PRDM5: variants seen among roughly 807,000 people sequenced by gnomAD.
The protein encoded by PRDM5 is PR/SET domain 5.
PRDM5 carries 56 observed loss-of-function variants against 81.2 expected under a neutral mutation model. That is an observed-to-expected ratio of 0.69 (90% CI 0.56 to 0.86). PRDM5 has a LOEUF of 0.86. PRDM5 is among the 40% of genes least tolerant of loss of function. The pLI is 0.00. For missense variants in PRDM5, 697 were observed against 770.1 expected (o/e 0.91, Z 1.12); for synonymous variants, 267 against 256.4 (o/e 1.04, Z -0.39).
At chr4:120,835,202 A>G (rs949247704) in intron 3 of PRDM5, among the ~76,000 whole-genome samples, 1 of 152,236 alleles carries the variant, frequency 6.6e-6, no homozygotes, top group Non-Finnish European at 1.5e-5. Flanking sequence ...ATTCCTAAAG[A>G]GTGGAAATAG....
In PRDM5 at chr4:120,907,549, C is replaced by T; in HGVS notation, c.102G>A (p.Lys34=). The change falls in exon 2 of 16, where the codon AAG becomes AAA. Residue 34 remains lysine, a synonymous_variant. Transcript: ENST00000264808. ...YTARRVRKGE[K]FGPFAGEKRM... ...TCTTCTCTCCAGCAAAGGGTCCGAACTTTTCACCCTGAGTAGCAATGATTA... is the reference window on the plus strand; with the variant it reads ...TCTTCTCTCCAGCAAAGGGTCCGAATTTTTCACCCTGAGTAGCAATGATTA... The T allele has an allele frequency of 6.2e-7, 1 of 1,609,448 alleles. No homozygotes were observed. The highest frequency in any genetic ancestry group is 1.1e-5 in the South Asian group (1 of 90,968).
intron 3 of PRDM5, among the ~76,000 whole-genome samples, chr4:120,823,102 A>C (rs1755504397): frequency 6.6e-6 from 1 of 152,182 alleles, no homozygotes; most frequent in African/African-American, 2.4e-5. Flanking sequence ...TAACCTAATA[A>C]AGACTTCAGA....
At chr4:120,809,393 A>G (rs969062483) in intron 8 of PRDM5, among the ~76,000 whole-genome samples, 2 of 148,088 alleles carry the variant, frequency 1.4e-5, no homozygotes, top group Non-Finnish European at 3.0e-5. Context: ...AAAGTATAAT[A>G]AAAAAATACT....
chr4:120,886,178 G>A (rs149762961), intron 2 of PRDM5, among the ~76,000 whole-genome samples: 2 of 152,292 alleles, frequency 1.3e-5, no homozygotes, highest in African/African-American at 4.8e-5. Context: ...TTTCCACCAA[G>A]GTCTACACTA....
rs569117248 is a variant in PRDM5 at position 120,815,190 on chromosome 4, A to G, written c.865+1263T>C. Among the ~76,000 whole-genome samples the G allele has an allele frequency of 3.3e-5, 5 of 152,378 alleles. No homozygotes were observed. The South Asian group carries it at 1.0e-3, about 32-fold the overall frequency. On this transcript the variant is annotated intron_variant, in intron 7 of 15. Transcript: ENST00000264808. ...AATTAAGAATAGCATTTTAACTAGA[A>G]CAGCATTGAAAATCAAAAAACTACG...
At chr4:120,727,462 C>T (rs10518377) in intron 14 of PRDM5, among the ~76,000 whole-genome samples, 71,511 of 151,946 alleles carry the variant, frequency 0.47, 17,524 homozygotes, top group East Asian at 0.67. Context: ...TTTTGGATTA[C>T]GATCCAGTCT....
intron 13 of PRDM5, among the ~76,000 whole-genome samples, chr4:120,770,912 A>G (rs1747185216): frequency 7.4e-6 from 1 of 135,174 alleles, no homozygotes; most frequent in Middle Eastern, 3.7e-3. Context: ...AAACATATTT[A>G]TAACATATAG....
intron 15 of PRDM5, among the ~76,000 whole-genome samples, chr4:120,702,109 G>A (rs1185334062): frequency 6.6e-6 from 1 of 152,166 alleles, no homozygotes; most frequent in Non-Finnish European, 1.5e-5. Flanking sequence ...TGCAGGACAC[G>A]CTCATACAAG....
chr4:120,702,174 C>T (rs1232865399), intron 15 of PRDM5, among the ~76,000 whole-genome samples: 1 of 152,232 alleles, frequency 6.6e-6, no homozygotes, highest in Admixed American at 6.5e-5. Flanking sequence ...TCCTCCTCAT[C>T]CTCTCCAGTC....
At chr4:120,878,700 A>G (rs1219655444) in intron 2 of PRDM5, among the ~76,000 whole-genome samples, 1 of 152,254 alleles carries the variant, frequency 6.6e-6, no homozygotes, top group Non-Finnish European at 1.5e-5. Flanking sequence ...ATAGGAAAAC[A>G]ACTCAATTTT....
intron 13 of PRDM5, among the ~76,000 whole-genome samples, chr4:120,759,041 C>T (rs2149170495): frequency 6.6e-6 from 1 of 152,270 alleles, no homozygotes; most frequent in East Asian, 1.9e-4. Context: ...AGGCGTGAGC[C>T]ACCACGCCCG....
At position 120,804,166 on chromosome 4, in the gene PRDM5, A is replaced by G. The variant is rs6534208; in HGVS notation, c.946-4421T>C. Among the ~76,000 whole-genome samples, 1,310 of 152,328 alleles carry G rather than the reference A, an allele frequency of 8.6e-3. 21 individuals carry two copies. Among genetic ancestry groups the G allele is most frequent in the African/African-American group, 0.03 (1,241 of 41,562 alleles). On this transcript the variant is annotated intron_variant, in intron 8 of 15. Coordinates refer to ENST00000264808, the MANE Select transcript of PRDM5 (RefSeq NM_018699.4). ...GAAGAGCTAACTATCCTAAATATAT[A>G]TGCACCCAATACAGGAGCACCCAGT...
intron 2 of PRDM5, among the ~76,000 whole-genome samples, chr4:120,895,084 C>G (rs574472682): frequency 6.6e-6 from 1 of 152,250 alleles, no homozygotes; most frequent in Non-Finnish European, 1.5e-5. Context: ...TCCATAATCA[C>G]AAAGAGACAA....
Position 120,694,106 on chromosome 4 carries a change from G to A in PRDM5, c.*1005C>T, listed in dbSNP as rs1038659964. 1.3e-5 allele frequency: 2 copies of A among 152,038 alleles called. No individual in the cohort carries two copies. The highest frequency in any genetic ancestry group is 1.3e-4 in the Admixed American group (2 of 15,234). 9.4% of individuals were successfully genotyped at this position (152,038 alleles called of 1,614,324 possible). A position where few individuals can be genotyped will look rare whatever the true frequency, so the allele number is the denominator to read the frequency against. ...ACCTACTGCCAAGATTCTGGAAAAT[G>A]TCTTTTGCAAAATGGAATGTTAATG... is the stretch of plus-strand genomic sequence containing the variant. On this transcript the variant is annotated 3_prime_UTR_variant, in exon 16 of 16. Coordinates refer to ENST00000264808, the MANE Select transcript of PRDM5 (RefSeq NM_018699.4).
intron 3 of PRDM5, among the ~76,000 whole-genome samples, chr4:120,830,425 G>A (rs1397766): frequency 0.38 from 57,722 of 151,838 alleles, 11,152 homozygotes; most frequent in East Asian, 0.49. Flanking sequence ...ATGCCATGTG[G>A]AGCCAAGCTG....
At chr4:120,904,586 A>G (rs1765589445) in intron 2 of PRDM5, among the ~76,000 whole-genome samples, 1 of 152,226 alleles carries the variant, frequency 6.6e-6, no homozygotes, top group Admixed American at 6.5e-5. Context: ...CTCCTTGGGT[A>G]GCAGAGTGAG....
Position 120,864,111 on chromosome 4 carries a change from AATCTCG to A in PRDM5, c.178-10577_178-10572del, listed in dbSNP as rs1373074323. 4.6e-5 allele frequency among the ~76,000 whole-genome samples: 7 copies of A among 152,208 alleles called. No homozygotes were observed. The South Asian group carries it at 1.4e-3, about 32-fold the overall frequency. On this transcript the variant is annotated intron_variant, in intron 2 of 15. Transcript: ENST00000264808. ...TGGAGGAAGGGTGGAAACTCTGCCA[AATCTCG>A]ATTCAACTGCGAAAGATGAAGGGGA...
chr4:120,922,495 G>GGCC, intron 1 of PRDM5, 21 bp downstream of exon 1: 1 of 1,584,790 alleles, frequency 6.3e-7, no homozygotes, highest in Non-Finnish European at 8.6e-7. Context: ...GGGGCGCGCA[G>GGCC]GCCGCCGCCG....
intron 15 of PRDM5, among the ~76,000 whole-genome samples, chr4:120,699,542 G>A (rs1012219977): frequency 1.4e-4 from 22 of 152,062 alleles, no homozygotes; most frequent in Non-Finnish European, 2.6e-4. Flanking sequence ...TGGAATTGGC[G>A]TTCTTCCCTT....
Sources: gnomAD v4.1 joint callset for allele counts (sites outside exome capture counted in the v4.1 genomes callset) on GRCh38, gnomAD v4.1.1 for gene constraint, MANE v1.5 for transcripts, NCBI Gene and HGNC (gene_info 2026-07-23, HGNC 2026-07-21) for gene names.